The following PDE11A variants were observed in gnomAD, a reference collection of about 807,000 sequenced individuals.
The protein encoded by PDE11A is phosphodiesterase 11A, also known as dual 3',5'-cyclic-AMP and -GMP phosphodiesterase 11A.
In PDE11A, 100 loss-of-function variants were observed where a neutral mutation model predicts 100.5. The ratio of observed to expected loss-of-function variants is 1.00; its 90% CI spans 0.85 to 1.18. The LOEUF (loss-of-function observed/expected upper bound fraction) is 1.18, where lower values mean the gene tolerates loss of function less well. Among genes scored for constraint, PDE11A ranks in the 50% most tolerant of loss-of-function variants. The probability of loss-of-function intolerance (pLI) is 0.00; values close to 1 mark genes in which losing one functional copy is unlikely to be tolerated. For synonymous variants in PDE11A, 381 were observed against 420.8 expected (o/e 0.91, Z 1.16); for missense variants, 1,141 against 1,152.6 (o/e 0.99, Z 0.15).
chr2:177,945,713 G>A (rs371053583), intron 2 of PDE11A, among the ~76,000 whole-genome samples: 6,289 of 125,348 alleles, frequency 0.05, no homozygotes, highest in East Asian at 0.13. Context: ...CAGCCACCCC[G>A]TCCGGGAGGG....
intron 5 of PDE11A, among the ~76,000 whole-genome samples, chr2:177,843,368 G>A (rs781252717): frequency 9.2e-5 from 14 of 152,158 alleles, no homozygotes; most frequent in Non-Finnish European, 2.1e-4. Flanking sequence ...AGAACAAATA[G>A]GGAGGGGCAG....
At chr2:177,768,008 A>C (rs984349079) in intron 10 of PDE11A, among the ~76,000 whole-genome samples, 4 of 151,942 alleles carry the variant, frequency 2.6e-5, no homozygotes, top group Non-Finnish European at 4.4e-5. Flanking sequence ...GTGGCACCCT[A>C]TCTCTCCCTT....
chr2:177,770,449 A>C (rs2082296159), intron 9 of PDE11A, among the ~76,000 whole-genome samples: 1 of 152,250 alleles, frequency 6.6e-6, no homozygotes, highest in African/African-American at 2.4e-5. Context: ...TAAAAACCCC[A>C]ATTCGCAGGC....
chr2:177,632,298 A>G (rs4893974), intron 19 of PDE11A, among the ~76,000 whole-genome samples: 119,893 of 152,126 alleles, frequency 0.79, 47,951 homozygotes, highest in East Asian at 0.9. Context: ...GACTGTGATG[A>G]TGATGAGGAG....
At chr2:177,984,930 C>G (rs2085924028) in intron 2 of PDE11A, among the ~76,000 whole-genome samples, 1 of 152,228 alleles carries the variant, frequency 6.6e-6, no homozygotes, top group South Asian at 2.1e-4. Flanking sequence ...AGCTCCAAAG[C>G]TGACTGGCTT....
At position 178,071,881 on chromosome 2, in the gene PDE11A, G is replaced by A; in HGVS notation, c.557C>T (p.Pro186Leu). 1.2e-6 allele frequency: 2 copies of A among 1,613,754 alleles called. No homozygotes were observed. The highest frequency in any genetic ancestry group is 8.5e-7 in the Non-Finnish European group (1 of 1,179,658). Residue 186 changes from proline to leucine, a missense_variant, in exon 1 of 20, where the codon CCC becomes CTC. By Grantham distance (98) the Pro-to-Leu change is moderately conservative. Transcript: ENST00000286063. The stretch of plus-strand genomic sequence containing the variant: ...GCACTTGTAGTCGATGGCTGTAGGG[G>A]GATACCGAGGCAGATTCACTCTCGA... ...LESRVNLPRY[P>L]PTAIDYKCHL...
intron 9 of PDE11A, among the ~76,000 whole-genome samples, chr2:177,776,538 C>A (rs2082380198): frequency 2.0e-5 from 3 of 151,054 alleles, no homozygotes; most frequent in Non-Finnish European, 4.5e-5. Flanking sequence ...ATTGTGCCCC[C>A]CAATCCCCAC....
intron 12 of PDE11A, among the ~76,000 whole-genome samples, chr2:177,713,998 T>C (rs1262777108): frequency 1.6e-5 from 2 of 122,416 alleles, no homozygotes; most frequent in African/African-American, 5.9e-5. Context: ...TTTTTTTTTT[T>C]TTTTTTTTTT....
intron 10 of PDE11A, among the ~76,000 whole-genome samples, chr2:177,734,517 G>A (rs1393037108): frequency 6.6e-5 from 10 of 152,096 alleles, no homozygotes; most frequent in Admixed American, 5.9e-4. Flanking sequence ...TTAAAAAAAA[G>A]TAGGATTTAA....
At chr2:177,798,583 T>C (rs2082739170) in intron 9 of PDE11A, among the ~76,000 whole-genome samples, 1 of 152,246 alleles carries the variant, frequency 6.6e-6, no homozygotes, top group Non-Finnish European at 1.5e-5. Context: ...AGAAGCACCA[T>C]TTGTGCATAC....
rs1264711301 is a variant in PDE11A at position 177,952,197 on chromosome 2, C to T, written c.1072-47010G>A. ...CCCTCTATTTAGAAGGCCATTCTTC[C>T]ACTTTCCACCTAAGAGACTCCTACT... On this transcript the variant is annotated intron_variant, in intron 2 of 19. Coordinates refer to ENST00000286063, the MANE Select transcript of PDE11A (RefSeq NM_016953.4). 2.6e-5 allele frequency among the ~76,000 whole-genome samples: 4 copies of T among 152,184 alleles called. No individual in the cohort carries two copies. In the East Asian group the frequency reaches 7.7e-4, roughly 29 times the overall value.
intron 5 of PDE11A, 88 bp from the exon 6 acceptor site, chr2:177,840,471 A>T: frequency 8.7e-7 from 1 of 1,146,916 alleles, no homozygotes; most frequent in Non-Finnish European, 1.3e-6. Flanking sequence ...TAATATCAGG[A>T]TAATCTGTCC....
chr2:178,011,304 G>T (rs2086271575), intron 2 of PDE11A, among the ~76,000 whole-genome samples: 1 of 152,172 alleles, frequency 6.6e-6, no homozygotes, highest in African/African-American at 2.4e-5. Flanking sequence ...AATCCTGGCT[G>T]TGCTAAGCTG....
At position 177,822,904 on chromosome 2, in the gene PDE11A, G is replaced by A. The variant is rs572399039; in HGVS notation, c.1501-2609C>T. ...GTAATTGGTACATAAAAATACAATC[G>A]ACTTTTTAATATTAAATTTGTTTCC... On this transcript the variant is annotated intron_variant, in intron 6 of 19. Coordinates refer to ENST00000286063, the MANE Select transcript of PDE11A (RefSeq NM_016953.4). 5.3e-5 allele frequency among the ~76,000 whole-genome samples: 8 copies of A among 151,944 alleles called. 1 individual carries two copies. The South Asian group carries it at 1.5e-3, about 28-fold the overall frequency.
chr2:178,077,529 A>T (rs534077911), upstream of PDE11A, among the ~76,000 whole-genome samples: 1 of 152,240 alleles, frequency 6.6e-6, no homozygotes, highest in Admixed American at 6.5e-5. Context: ...AGCCTTCATT[A>T]TCTGTCCATT....
chr2:177,706,778 GT>G (rs937158276), intron 13 of PDE11A, among the ~76,000 whole-genome samples: 20 of 152,120 alleles, frequency 1.3e-4, no homozygotes, highest in African/African-American at 4.6e-4. Context: ...ATCATGTGAT[GT>G]GAGGATGCAA....
chr2:177,815,727 A>G (rs7595951), intron 9 of PDE11A, among the ~76,000 whole-genome samples: 61,671 of 151,994 alleles, frequency 0.41, 14,331 homozygotes, highest in African/African-American at 0.64. Flanking sequence ...TACATCTTTT[A>G]CATCTCAAAT....
At chr2:178,047,103 T>C (rs528105160) in intron 1 of PDE11A, among the ~76,000 whole-genome samples, 1 of 152,200 alleles carries the variant, frequency 6.6e-6, no homozygotes, top group East Asian at 1.9e-4. Flanking sequence ...GTTGTCTATA[T>C]CCTTTATTGC....
intron 2 of PDE11A, among the ~76,000 whole-genome samples, chr2:178,103,235 G>C (rs2087581440): frequency 1.3e-5 from 2 of 152,118 alleles, no homozygotes; most frequent in Non-Finnish European, 1.5e-5. Flanking sequence ...GATGGGCCTT[G>C]AAAACATTAT....
Sources: allele counts gnomAD v4.1 joint callset (sites outside exome capture counted in the v4.1 genomes callset), GRCh38; gene constraint gnomAD v4.1.1; transcripts MANE v1.5; gene names NCBI Gene and HGNC (gene_info 2026-07-23, HGNC 2026-07-21).